The following CEP76 variants were observed in gnomAD, a reference collection of about 807,000 sequenced individuals.
The protein encoded by CEP76 is centrosomal protein 76.
In CEP76, 55 loss-of-function variants were observed where a neutral mutation model predicts 83.3. The observed-to-expected ratio is 0.66, with a 90% CI of 0.53 to 0.83. The LOEUF (loss-of-function observed/expected upper bound fraction) is 0.83, where lower values mean the gene tolerates loss of function less well. Among genes scored for constraint, CEP76 ranks in the 40% least tolerant of loss-of-function variants. The probability of loss-of-function intolerance (pLI) is 0.00; values close to 1 mark genes in which losing one functional copy is unlikely to be tolerated. For synonymous variants in CEP76, 270 were observed against 274.5 expected, an observed-to-expected ratio of 0.98 and a Z score of 0.16; for missense variants, 694 against 799.5, an observed-to-expected ratio of 0.87 and a Z score of 1.59.
intron 5 of CEP76, among the ~76,000 whole-genome samples, chr18:12,696,630 G>T (rs1179889718): frequency 6.6e-6 from 1 of 152,088 alleles, no homozygotes; most frequent in Non-Finnish European, 1.5e-5. Context: ...ACATTGGTAG[G>T]TTTTGTTTTC....
At chr18:12,690,739 GC>G (rs770049155) in intron 7 of CEP76, among the ~76,000 whole-genome samples, 2 of 152,184 alleles carry the variant, frequency 1.3e-5, no homozygotes, top group Non-Finnish European at 2.9e-5. Flanking sequence ...ACAGGCGTGA[GC>G]CACCGCGCCT....
downstream of CEP76, among the ~76,000 whole-genome samples, chr18:12,668,382 A>G (rs2038848923): frequency 6.6e-6 from 1 of 152,006 alleles, no homozygotes; most frequent in African/African-American, 2.4e-5. Flanking sequence ...ACTTGAGATC[A>G]GGAGTTTGAG....
chr18:12,668,369 A>G (rs2038848675), downstream of CEP76, among the ~76,000 whole-genome samples: 1 of 152,032 alleles, frequency 6.6e-6, no homozygotes, highest in African/African-American at 2.4e-5. Flanking sequence ...AGGTGGGCAG[A>G]TCACTTGAGA....
chr18:12,667,811 C>A, downstream of CEP76, among the ~76,000 whole-genome samples: 1 of 137,840 alleles, frequency 7.3e-6, no homozygotes, highest in African/African-American at 2.7e-5. Flanking sequence ...TCACTTAACA[C>A]AGAAGAAAGC....
intron 12 of CEP76, among the ~76,000 whole-genome samples, chr18:12,666,745 G>A (rs1446710638): frequency 2.7e-5 from 4 of 149,352 alleles, no homozygotes; most frequent in African/African-American, 5.0e-5. Context: ...CACCACACCC[G>A]GCCAAAAAAA....
At chr18:12,698,261 C>A (rs1002596153) in intron 4 of CEP76, among the ~76,000 whole-genome samples, 1 of 151,770 alleles carries the variant, frequency 6.6e-6, no homozygotes, top group East Asian at 1.9e-4. Flanking sequence ...CAGAGTCTCA[C>A]TCTGTTGCCC....
At chr18:12,690,174 A>G (rs949504470) in intron 7 of CEP76, among the ~76,000 whole-genome samples, 4 of 152,172 alleles carry the variant, frequency 2.6e-5, no homozygotes, top group African/African-American at 9.7e-5. Flanking sequence ...TCAATATATA[A>G]ACAACGCTAT....
At chr18:12,668,516 T>G (rs1304830592), downstream of CEP76, among the ~76,000 whole-genome samples, 5 of 137,080 alleles carry the variant, frequency 3.6e-5, no homozygotes, top group Non-Finnish European at 7.6e-5. Context: ...GAGAATCACT[T>G]GAACCCAGGA....
At chr18:12,681,591 A>G (rs2039351591) in intron 8 of CEP76, among the ~76,000 whole-genome samples, 1 of 152,082 alleles carries the variant, frequency 6.6e-6, no homozygotes, top group Non-Finnish European at 1.5e-5. Flanking sequence ...ACATGAACAA[A>G]CAAGCAAACA....
At chr18:12,665,042 T>C (rs548843440) in intron 12 of CEP76, 2 of 149,398 alleles carry the variant, frequency 1.3e-5, no homozygotes, top group East Asian at 3.9e-4. Flanking sequence ...TCAAAAAAGG[T>C]TTTTTTTTTC....
rs144600506 is a variant in CEP76, at chr18:12,689,194, C to T, written c.933+2165G>A. On this transcript the variant is annotated intron_variant, in intron 7 of 11. Transcript: ENST00000262127. ...TTTTTGGCCTGGATATGTATATTAACGTTTTGATTTATAACTATTGTTTTT... is the reference window on the plus strand; with the variant it reads ...TTTTTGGCCTGGATATGTATATTAATGTTTTGATTTATAACTATTGTTTTT... Among the ~76,000 whole-genome samples, 353 of 152,258 alleles carry T rather than the reference C, an allele frequency of 2.3e-3. 3 individuals are homozygous for T. Among genetic ancestry groups the T allele is most frequent in the South Asian group, 0.014 (69 of 4,820 alleles).
At chr18:12,701,184 G>A (rs2040138271) in intron 1 of CEP76, 71 bp from the exon 2 acceptor site, 1 of 1,151,016 alleles carries the variant, frequency 8.7e-7, no homozygotes. Context: ...AAGTTTTAAG[G>A]TTCTCCAGCT....
chr18:12,677,347 A>C (rs2039174563), intron 10 of CEP76, among the ~76,000 whole-genome samples: 1 of 150,490 alleles, frequency 6.6e-6, no homozygotes, highest in East Asian at 2.0e-4. Context: ...CTGAGGCAGG[A>C]GAATTGCTTA....
In CEP76 at chr18:12,693,665, C is replaced by A. The variant is rs1173035278; in HGVS notation, c.804+1589G>T. Among the ~76,000 whole-genome samples, 3 of 152,082 alleles carry A rather than the reference C, an allele frequency of 2.0e-5. No homozygotes were observed. The East Asian group carries it at 5.8e-4, about 29-fold the overall frequency. ...GGGCGTGGTGGCACCCACCTGTAGT[C>A]CCAGCTACTCAGGAGACTGAGGCAG... On this transcript the variant is annotated intron_variant, in intron 6 of 11. Transcript: ENST00000262127.
At chr18:12,679,946 C>T (rs755169080) in intron 9 of CEP76, among the ~76,000 whole-genome samples, 18 of 151,566 alleles carry the variant, frequency 1.2e-4, no homozygotes, top group African/African-American at 4.4e-4. Flanking sequence ...GTCCCAGCTA[C>T]GCAAGAGGCT....
At chr18:12,673,605 C>G in intron 11 of CEP76, 102 bp from the exon 12 acceptor site, 2 of 921,320 alleles carry the variant, frequency 2.2e-6, no homozygotes, top group Non-Finnish European at 3.2e-6. Context: ...TCAGGCTAGG[C>G]GTGGTGGCTC....
intron 7 of CEP76, among the ~76,000 whole-genome samples, chr18:12,689,858 T>C (rs2039686074): frequency 6.6e-6 from 1 of 152,118 alleles, no homozygotes; most frequent in Non-Finnish European, 1.5e-5. Context: ...GGCGTGATCT[T>C]CGCTCACTGC....
At chr18:12,678,902 G>C (rs916985661) in intron 9 of CEP76, 1 of 152,412 alleles carries the variant, frequency 6.6e-6, no homozygotes. Flanking sequence ...GCTGCAGTGA[G>C]CCGTCCAGCC....
At chr18:12,667,452 C>T (rs1290129608) in intron 12 of CEP76, among the ~76,000 whole-genome samples, 1 of 151,924 alleles carries the variant, frequency 6.6e-6, no homozygotes, top group Admixed American at 6.6e-5. Context: ...GTGAGACAGT[C>T]TCTTGAAATT....
Sources: gnomAD v4.1 joint callset for allele counts (sites outside exome capture counted in the v4.1 genomes callset) on GRCh38, gnomAD v4.1.1 for gene constraint, MANE v1.5 for transcripts, NCBI Gene and HGNC (gene_info 2026-07-23, HGNC 2026-07-21) for gene names.